The following CCDC25 variants were observed in gnomAD, a reference collection of about 807,000 sequenced individuals.
The protein encoded by CCDC25 is coiled-coil domain-containing protein 25.
In CCDC25, 16 loss-of-function variants were observed where a neutral mutation model predicts 35.3. The observed-to-expected ratio is 0.45, with a 90% CI of 0.31 to 0.69. CCDC25 has a LOEUF of 0.69. Ranked by LOEUF, CCDC25 falls within the 30% of genes least tolerant of loss-of-function variation. The pLI, the probability that CCDC25 is intolerant of heterozygous loss-of-function variation, is 0.06. For synonymous variants in CCDC25, 79 were observed against 80.3 expected, an observed-to-expected ratio of 0.98 and a Z score of 0.09; for missense variants, 179 against 250.7, an observed-to-expected ratio of 0.71 and a Z score of 1.93.
chr8:27,766,945 T>A (rs185179027), intron 1 of CCDC25, among the ~76,000 whole-genome samples: 1 of 152,110 alleles, frequency 6.6e-6, no homozygotes, highest in African/African-American at 2.4e-5. Flanking sequence ...TACACATACA[T>A]GTTTTATTTT....
rs1471015956 is a variant in CCDC25 at position 27,756,735 on chromosome 8, T to A, written c.152A>T (p.Tyr51Phe). The A allele has an allele frequency of 6.2e-7, 1 of 1,612,140 alleles. No individual in the cohort carries two copies. Among genetic ancestry groups the A allele is most frequent in the Non-Finnish European group, 8.5e-7 (1 of 1,178,244 alleles). ...TTCAGTTACCTTATGTAATCGAAGG[T>A]ATACATGAGCCGAAGAGAGTTTGTC... Reference protein sequence around the residue: ...HVDKLSSAHVYLRLHKGENIE... With the variant: ...HVDKLSSAHVFLRLHKGENIE... Residue 51 changes from tyrosine (Y) to phenylalanine (F), a missense_variant, in exon 4 of 9, where the codon TAC becomes TTC. Tyr to Phe is a conservative substitution (Grantham distance 22). Coordinates refer to ENST00000356537, the MANE Select transcript of CCDC25 (RefSeq NM_018246.3).
intron 7 of CCDC25, 170 bp downstream of exon 7, chr8:27,747,907 A>T: frequency 1.6e-6 from 1 of 617,682 alleles, no homozygotes. Context: ...TTTAACCAAC[A>T]CATTAATATA....
intron 4 of CCDC25, 156 bp downstream of exon 4, chr8:27,756,563 A>G: frequency 1.7e-6 from 1 of 602,026 alleles, no homozygotes; most frequent in South Asian, 2.1e-5. Context: ...TGTTAGAGTG[A>G]TTTTCTGGGT....
In CCDC25 at chr8:27,735,428, TC is replaced by T. The variant is rs753353537; in HGVS notation, c.*787del. Reference sequence around the variant, plus strand: ...AGGCACAAATCAGGTAACCTACATCTCCCAAATGATCAACAGAGCACTCCAT... The same window carrying T: ...AGGCACAAATCAGGTAACCTACATCTCCAAATGATCAACAGAGCACTCCAT... On this transcript the variant is annotated 3_prime_UTR_variant, in exon 9 of 9. Transcript: ENST00000356537. 2.6e-5 allele frequency: 4 copies of T among 152,106 alleles called. No homozygotes were observed. Among genetic ancestry groups the T allele is most frequent in the Non-Finnish European group, 4.4e-5 (3 of 68,008 alleles). The allele number at this position is 152,106 out of a possible 1,614,324, so 9.4% of individuals were successfully genotyped here.
intron 2 of CCDC25, among the ~76,000 whole-genome samples, chr8:27,764,773 G>C (rs1331597177): frequency 1.3e-5 from 2 of 152,118 alleles, no homozygotes; most frequent in Non-Finnish European, 2.9e-5. Context: ...AGCCTTCTCA[G>C]CTTTCAATCA....
In CCDC25 at chr8:27,741,325, A is replaced by AC. The variant is rs1317391750; in HGVS notation, c.552-809dup. Among the ~76,000 whole-genome samples the AC allele has an allele frequency of 3.9e-5, 6 of 152,234 alleles. No homozygotes were observed. In the East Asian group the frequency reaches 1.2e-3, roughly 29 times the overall value. Reference sequence around the variant, plus strand: ...GATGACTAACACAAAGCCTGGACCCACAGAACTTACTGGGAGGGGAAATAA... The same window carrying AC: ...GATGACTAACACAAAGCCTGGACCCACCAGAACTTACTGGGAGGGGAAATAA... On this transcript the variant is annotated intron_variant, in intron 7 of 8. Coordinates refer to ENST00000356537, the MANE Select transcript of CCDC25 (RefSeq NM_018246.3).
intron 7 of CCDC25, among the ~76,000 whole-genome samples, chr8:27,742,753 G>T (rs1243625227): frequency 6.6e-6 from 1 of 152,164 alleles, no homozygotes; most frequent in Non-Finnish European, 1.5e-5. Flanking sequence ...TGTAATTTCA[G>T]CTACCTGGGA....
intron 4 of CCDC25, among the ~76,000 whole-genome samples, chr8:27,753,586 A>C (rs998578493): frequency 1.3e-5 from 2 of 152,226 alleles, no homozygotes; most frequent in Non-Finnish European, 2.9e-5. Flanking sequence ...TGTTTCCAAA[A>C]GAAAGTGAAA....
chr8:27,766,504 C>T (rs1470748953), intron 1 of CCDC25, among the ~76,000 whole-genome samples: 3 of 152,092 alleles, frequency 2.0e-5, no homozygotes, highest in African/African-American at 7.2e-5. Context: ...AGAATGTGTG[C>T]ATCGCCAAGT....
At chr8:27,756,902 T>C (rs1249522802) in intron 3 of CCDC25, 132 bp from the exon 4 acceptor site, 3 of 664,514 alleles carry the variant, frequency 4.5e-6, no homozygotes, top group African/African-American at 3.6e-5. Flanking sequence ...TCATGAGGAG[T>C]ATAAAGCACA....
chr8:27,765,378 C>A, intron 1 of CCDC25, 127 bp from the exon 2 acceptor site: 1 of 737,560 alleles, frequency 1.4e-6, no homozygotes, highest in Non-Finnish European at 2.0e-6. Flanking sequence ...CAAATCCAGC[C>A]TACCACCTGT....
chr8:27,739,534 AT>A (rs1224528387), intron 8 of CCDC25, among the ~76,000 whole-genome samples: 1 of 152,104 alleles, frequency 6.6e-6, no homozygotes, highest in African/African-American at 2.4e-5. Context: ...TAAAAATAAT[AT>A]AAATTAAAAA....
chr8:27,750,376 T>C (rs754757285), intron 5 of CCDC25, among the ~76,000 whole-genome samples: 2 of 152,202 alleles, frequency 1.3e-5, no homozygotes, highest in Non-Finnish European at 2.9e-5. Context: ...TCCTCCTCTA[T>C]AAAATGAAAA....
intron 7 of CCDC25, among the ~76,000 whole-genome samples, chr8:27,747,064 G>A (rs1217151045): frequency 6.6e-6 from 1 of 152,172 alleles, no homozygotes; most frequent in Non-Finnish European, 1.5e-5. Flanking sequence ...GTTCTGTGAT[G>A]AGAATTCGCA....
intron 1 of CCDC25, among the ~76,000 whole-genome samples, chr8:27,771,720 C>T (rs1455743991): frequency 1.3e-5 from 2 of 152,054 alleles, no homozygotes; most frequent in East Asian, 1.9e-4. Flanking sequence ...ATACTTGGAA[C>T]GTTAAGTGGG....
At chr8:27,770,820 ATAAG>A (rs1328600434) in intron 1 of CCDC25, among the ~76,000 whole-genome samples, 5 of 152,190 alleles carry the variant, frequency 3.3e-5, no homozygotes, top group African/African-American at 9.7e-5. Flanking sequence ...AGAAAGTGCT[ATAAG>A]TAAGTAAAAA....
In CCDC25 at chr8:27,762,447, T is replaced by G; in HGVS notation, c.88A>C (p.Ile30Leu). The change falls in exon 3 of 9, where the codon ATC (isoleucine) becomes CTC (leucine). Residue 30 changes from isoleucine to leucine, a missense_variant. Physicochemically the swap from Ile to Leu is conservative, Grantham distance 5 (BLOSUM62 2). Coordinates refer to ENST00000356537, the MANE Select transcript of CCDC25 (RefSeq NM_018246.3). ...ATATCTTCAGGCCAGCCATGCTTGATCAGATCTTCATCTGCAATGAGATAT... is the reference window on the plus strand; with the variant it reads ...ATATCTTCAGGCCAGCCATGCTTGAGCAGATCTTCATCTGCAATGAGATAT... Reference protein sequence around the residue: ...GKDKYENEDLIKHGWPEDIWF... With the variant: ...GKDKYENEDLLKHGWPEDIWF... 5 of 1,613,434 alleles carry G rather than the reference T, an allele frequency of 3.1e-6. No individual in the cohort carries two copies. Among genetic ancestry groups the G allele is most frequent in the Non-Finnish European group, 3.4e-6 (4 of 1,179,830 alleles).
At chr8:27,772,376 G>T in intron 1 of CCDC25, 137 bp downstream of exon 1, 3 of 793,408 alleles carry the variant, frequency 3.8e-6, no homozygotes, top group Admixed American at 2.2e-5. Flanking sequence ...TGTGCTGGGG[G>T]ACCGAGAGGC....
At chr8:27,770,725 G>A (rs1418610178) in intron 1 of CCDC25, among the ~76,000 whole-genome samples, 2 of 130,550 alleles carry the variant, frequency 1.5e-5, no homozygotes, top group Admixed American at 8.3e-5. Flanking sequence ...GGCAACAAGA[G>A]CAAAACTCCG....
Sources: allele counts gnomAD v4.1 joint callset (sites outside exome capture counted in the v4.1 genomes callset), GRCh38; gene constraint gnomAD v4.1.1; transcripts MANE v1.5; gene names NCBI Gene and HGNC (gene_info 2026-07-23, HGNC 2026-07-21).